The following SLC6A12 variants were observed in gnomAD, a reference collection of about 807,000 sequenced individuals.
SLC6A12 encodes the protein sodium- and chloride-dependent betaine transporter.
In SLC6A12, 50 loss-of-function variants were observed where a neutral mutation model predicts 73.3. The observed-to-expected ratio is 0.68, with a 90% CI of 0.54 to 0.86. The LOEUF is 0.86. Among genes scored for constraint, SLC6A12 ranks in the 40% least tolerant of loss-of-function variants. The pLI, the probability that SLC6A12 is intolerant of heterozygous loss-of-function variation, is 0.00. For synonymous variants in SLC6A12, 304 were observed against 309.2 expected (o/e 0.98, Z 0.18); for missense variants, 648 against 772.8 (o/e 0.84, Z 1.92).
In SLC6A12 at chr12:195,289, A is replaced by G; in HGVS notation, c.1365T>C (p.Ala455=). Residue 455 remains alanine, a synonymous_variant, in exon 13 of 16, where the codon GCT becomes GCC. Coordinates refer to ENST00000684302, the MANE Select transcript of SLC6A12 (RefSeq NM_001122848.3). The stretch of plus-strand genomic sequence containing the variant: ...GGAACAGCAGGCATATGCCACTGGA[A>G]GCATAGTAGTCAAACAGCTGGAAGA... ...MYIFQLFDYY[A]SSGICLLFLS... 6.2e-7 allele frequency: 1 copy of G among 1,613,714 alleles called. No homozygotes were observed. The highest frequency in any genetic ancestry group is 1.3e-5 in the African/African-American group (1 of 75,058).
At chr12:201,583 T>G in intron 6 of SLC6A12, 179 bp downstream of exon 6, 1 of 603,888 alleles carries the variant, frequency 1.7e-6, no homozygotes, top group Admixed American at 2.7e-5. Context: ...TGGACCCGTG[T>G]GGGTAGATGT....
At chr12:200,432 G>A (rs576316805) in intron 7 of SLC6A12, among the ~76,000 whole-genome samples, 10 of 152,260 alleles carry the variant, frequency 6.6e-5, no homozygotes, top group East Asian at 1.9e-4. Context: ...TATGTAAACC[G>A]GACTTTTAAA....
chr12:198,190 G>A lies in SLC6A12; in HGVS notation c.847-187C>T, dbSNP rs1271638194. ...TCCACGGTGATCTCCTCCCCAGTGC[G>A]GCCCAGTTTCGGTTTGGTTCTGTAG... On this transcript the variant is annotated intron_variant, in intron 8 of 15. Coordinates refer to ENST00000684302, the MANE Select transcript of SLC6A12 (RefSeq NM_001122848.3). The surrounding 1 kb of genome is among the most constrained non-coding windows in gnomAD (Gnocchi z 4.0). 6.6e-6 allele frequency among the ~76,000 whole-genome samples: 1 copy of A among 152,168 alleles called. No individual in the cohort carries two copies. The highest frequency in any genetic ancestry group is 1.9e-4 in the East Asian group (1 of 5,192).
downstream of SLC6A12, among the ~76,000 whole-genome samples, chr12:189,837 G>A (rs1229406668): frequency 8.6e-6 from 1 of 115,732 alleles, no homozygotes; most frequent in African/African-American, 4.2e-5. Context: ...CCCCACACCC[G>A]CCCCCTGGGA....
chr12:204,969 A>T, intron 3 of SLC6A12: 1 of 389,842 alleles, frequency 2.6e-6, no homozygotes, highest in South Asian at 4.5e-5. Context: ...TAATATATGC[A>T]CTATTTATTT....
intron 14 of SLC6A12, 116 bp downstream of exon 14, chr12:193,160 GC>G: frequency 4.1e-6 from 3 of 740,356 alleles, no homozygotes; most frequent in Admixed American, 2.0e-5. Context: ...AATGGACCAG[GC>G]CCCACGGGAG....
chr12:194,448 C>T (rs920668378), intron 13 of SLC6A12, among the ~76,000 whole-genome samples: 7 of 152,234 alleles, frequency 4.6e-5, no homozygotes, highest in Non-Finnish European at 8.8e-5. Context: ...TTCCCCCAAG[C>T]GGTGCAGTGG....
intron 6 of SLC6A12, 186 bp downstream of exon 6, chr12:201,576 A>T (rs1940265921): frequency 1.7e-6 from 1 of 593,018 alleles, no homozygotes; most frequent in South Asian, 1.9e-5. Context: ...GTCTCCGTGG[A>T]CCCGTGTGGG....
chr12:197,154 C>CATCTATCCATCCATCTATCCATCCATCT (rs1565469071), intron 10 of SLC6A12, among the ~76,000 whole-genome samples: 2 of 94,510 alleles, frequency 2.1e-5, no homozygotes, highest in African/African-American at 7.8e-5. Flanking sequence ...TCCATCCATC[C>CATCTATCCATCCATCTATCCATCCATCT]ATCCATCCAT....
At position 200,639 on chromosome 12, in the gene SLC6A12, A is replaced by C. The variant is rs753670874; in HGVS notation, c.711+12T>G. On this transcript the variant is annotated intron_variant, in intron 7 of 15. Coordinates refer to ENST00000684302, the MANE Select transcript of SLC6A12 (RefSeq NM_001122848.3). ...GGCCAAAGGGAGCTTCCCAGGAGGC[A>C]GGACATCTCACCTTGCCTGTGGACT... The C allele has an allele frequency of 1.2e-6, 2 of 1,613,394 alleles. No homozygotes were observed. The highest frequency in any genetic ancestry group is 2.2e-5 in the South Asian group (2 of 90,952).
At position 196,752 on chromosome 12, in the gene SLC6A12, TG is replaced by T; in HGVS notation, c.1188+17del. On this transcript the variant is annotated intron_variant, in intron 11 of 15. Transcript: ENST00000684302. ...AGAGGGTCACCACGGCAGGGCAGGC[TG>T]GGCTGCAGTGACGTACCTGGCTGTC... The T allele has an allele frequency of 6.4e-7, 1 of 1,565,424 alleles. No individual in the cohort carries two copies. Among genetic ancestry groups the T allele is most frequent in the Non-Finnish European group, 8.8e-7 (1 of 1,136,534 alleles).
intron 13 of SLC6A12, among the ~76,000 whole-genome samples, chr12:193,758 G>A (rs1433249966): frequency 6.6e-6 from 1 of 152,194 alleles, no homozygotes; most frequent in Non-Finnish European, 1.5e-5. Flanking sequence ...AGCCAAAACA[G>A]CAAAACAACA....
At position 196,750 on chromosome 12, in the gene SLC6A12, G is replaced by C; in HGVS notation, c.1188+20C>G. On this transcript the variant is annotated intron_variant, in intron 11 of 15. Coordinates refer to ENST00000684302, the MANE Select transcript of SLC6A12 (RefSeq NM_001122848.3). Reference sequence around the variant, plus strand: ...CAAGAGGGTCACCACGGCAGGGCAGGCTGGGCTGCAGTGACGTACCTGGCT... The same window carrying C: ...CAAGAGGGTCACCACGGCAGGGCAGCCTGGGCTGCAGTGACGTACCTGGCT... 6.4e-7 allele frequency: 1 copy of C among 1,553,822 alleles called. No homozygotes were observed. The highest frequency in any genetic ancestry group is 8.9e-7 in the Non-Finnish European group (1 of 1,126,028).
At position 196,812 on chromosome 12, in the gene SLC6A12, G is replaced by A; in HGVS notation, c.1146C>T (p.Cys382=). Residue 382 remains cysteine (C), a synonymous_variant, in exon 11 of 16, where the codon TGC becomes TGT. Coordinates refer to ENST00000684302, the MANE Select transcript of SLC6A12 (RefSeq NM_001122848.3). ...TMMPLSQLWS[C]LFFIMLIFLG... is the part of the protein sequence containing the mutation. ...GGAATATGAGCATGATAAAGAACAG[G>A]CAGGACCACAGCTGGGATAAGGGCA... 6.2e-7 allele frequency: 1 copy of A among 1,613,850 alleles called. No individual in the cohort carries two copies. The highest frequency in any genetic ancestry group is 1.7e-5 in the Admixed American group (1 of 60,012).
At chr12:212,266 G>A (rs183577497) in intron 1 of SLC6A12, among the ~76,000 whole-genome samples, 156 bp from the exon 2 acceptor site, 8 of 152,362 alleles carry the variant, frequency 5.3e-5, no homozygotes, top group East Asian at 3.9e-4. Context: ...CCCTTAGGGC[G>A]GTGGTCAGAA....
At chr12:199,931 G>A (rs1046178006) in intron 7 of SLC6A12, among the ~76,000 whole-genome samples, 1 of 152,080 alleles carries the variant, frequency 6.6e-6, no homozygotes, top group African/African-American at 2.4e-5. Context: ...TCATAAGAGC[G>A]TGTGATCCTA....
Position 192,582 on chromosome 12 carries a change from G to T in SLC6A12, c.1597C>A (p.Pro533Thr), listed in dbSNP as rs775993391. 6.2e-7 allele frequency: 1 copy of T among 1,614,116 alleles called. No individual in the cohort carries two copies. Among genetic ancestry groups the T allele is most frequent in the Non-Finnish European group, 8.5e-7 (1 of 1,179,986 alleles). Residue 533 changes from proline (P) to threonine (T), a missense_variant, in exon 15 of 16, where the codon CCC (proline) becomes ACC (threonine). Transcript: ENST00000684302. ...LKYNNVYVYP[P>T]WGYSIGWFLA... ...AACCAGCCAATGGAGTATCCCCAGGGCGGGTACACATAGACGTTGTTGTAC... is the reference window on the plus strand; with the variant it reads ...AACCAGCCAATGGAGTATCCCCAGGTCGGGTACACATAGACGTTGTTGTAC...
intron 14 of SLC6A12, among the ~76,000 whole-genome samples, 197 bp from the exon 15 acceptor site, chr12:192,845 AGGGAGG>A: frequency 6.7e-6 from 1 of 148,160 alleles, no homozygotes; most frequent in South Asian, 2.2e-4. Flanking sequence ...ATACAAAGGA[AGGGAGG>A]GGCTCGGAAG....
chr12:199,171 G>T (rs941507415), intron 7 of SLC6A12: 6 of 532,546 alleles, frequency 1.1e-5, no homozygotes, highest in African/African-American at 7.6e-5. Context: ...AGGAAGACAG[G>T]GAGGGAGGCA....
Sources: allele counts gnomAD v4.1 joint callset (sites outside exome capture counted in the v4.1 genomes callset), GRCh38; gene constraint gnomAD v4.1.1; non-coding constraint Gnocchi (gnomAD v3.1); transcripts MANE v1.5; gene names NCBI Gene and HGNC (gene_info 2026-07-23, HGNC 2026-07-21).